The following USP50 variants were observed in gnomAD, a reference collection of about 807,000 sequenced individuals.
USP50 encodes the protein ubiquitin carboxyl-terminal hydrolase 50.
A neutral mutation model predicts 39.2 loss-of-function variants in USP50; 37 were observed. That is an observed-to-expected ratio of 0.94 (90% CI 0.73 to 1.24). The LOEUF is 1.24. Ranked by LOEUF, USP50 falls within the 50% of genes most tolerant of loss-of-function variation. USP50 has a pLI of 0.00. For missense variants in USP50, 374 were observed against 398.2 expected (o/e 0.94, Z 0.52); for synonymous variants, 139 against 144.5 (o/e 0.96, Z 0.27).
At chr15:50,522,307 C>G (rs984808314) in intron 6 of USP50, among the ~76,000 whole-genome samples, 1 of 152,104 alleles carries the variant, frequency 6.6e-6, no homozygotes, top group Non-Finnish European at 1.5e-5. Flanking sequence ...TGCCTGTAGT[C>G]CCAGCTACTA....
intron 6 of USP50, chr15:50,512,968 A>G (rs1432091225): frequency 1.3e-5 from 2 of 152,240 alleles, no homozygotes; most frequent in Non-Finnish European, 2.9e-5. Flanking sequence ...TATAACAAGG[A>G]TCTAGAACAT....
At chr15:50,527,324 C>T (rs2052906124) in intron 6 of USP50, among the ~76,000 whole-genome samples, 1 of 152,162 alleles carries the variant, frequency 6.6e-6, no homozygotes, top group African/African-American at 2.4e-5. Context: ...CCTGCCTCAG[C>T]CTCCTGAGTA....
chr15:50,525,594 A>ATATATGTATATATG (rs2052885970), intron 6 of USP50, among the ~76,000 whole-genome samples: 1 of 140,548 alleles, frequency 7.1e-6, no homozygotes, highest in Admixed American at 7.3e-5. Context: ...ATGTATATGT[A>ATATATGTATATATG]TATATGTATA....
At chr15:50,532,092 A>G (rs1416620444) in intron 5 of USP50, 1 of 456,210 alleles carries the variant, frequency 2.2e-6, no homozygotes, top group South Asian at 1.5e-5. Context: ...ATGAATTGCT[A>G]GAGGCTCAGT....
intron 5 of USP50, chr15:50,532,282 G>A (rs1043325161): frequency 4.4e-6 from 2 of 453,222 alleles, no homozygotes; most frequent in Non-Finnish European, 8.9e-6. Context: ...CACCCTGTTC[G>A]TAAAGCCTGC....
At chr15:50,512,760 C>T (rs1452320156) in intron 6 of USP50, 1 of 152,072 alleles carries the variant, frequency 6.6e-6, no homozygotes, top group African/African-American at 2.4e-5. Context: ...CCACCGCACT[C>T]CAGCCTGGGC....
chr15:50,543,067 G>A lies in USP50; in HGVS notation c.444+531C>T, dbSNP rs915453997. ...TTTAATGAAATGTATGTCCTAATTC[G>A]GTGATGAACTCAGGTTAGGTATGTT... On this transcript the variant is annotated intron_variant, in intron 3 of 6. Transcript: ENST00000532404. Among the ~76,000 whole-genome samples, 15 of 152,216 alleles carry A rather than the reference G, an allele frequency of 9.9e-5. No individual in the cohort carries two copies. The East Asian group carries it at 1.5e-3, about 16-fold the overall frequency.
At chr15:50,499,997 TAC>T (rs555583500), downstream of USP50, 6 of 152,266 alleles carry the variant, frequency 3.9e-5, no homozygotes, top group South Asian at 1.0e-3. Flanking sequence ...ACTACATCTT[TAC>T]AGAGTGATGT....
downstream of USP50, chr15:50,499,197 G>A: frequency 9.1e-7 from 1 of 1,100,436 alleles, no homozygotes. Context: ...AGGAATTCTA[G>A]GACAGTGGGA....
At chr15:50,503,919 A>G (rs1331292123) in intron 6 of USP50, 1 of 152,186 alleles carries the variant, frequency 6.6e-6, no homozygotes, top group Non-Finnish European at 1.5e-5. Context: ...AGATAATAGA[A>G]TTATTAAGCA....
chr15:50,538,510 G>C (rs2053001642), intron 5 of USP50, among the ~76,000 whole-genome samples, 199 bp downstream of exon 5: 2 of 151,992 alleles, frequency 1.3e-5, no homozygotes, highest in African/African-American at 4.8e-5. Flanking sequence ...TAATGTCAAT[G>C]AATTGTATGA....
At chr15:50,525,837 T>C (rs1484883739) in intron 6 of USP50, among the ~76,000 whole-genome samples, 1 of 151,426 alleles carries the variant, frequency 6.6e-6, no homozygotes, top group Non-Finnish European at 1.5e-5. Flanking sequence ...AATGTATTGA[T>C]GGATTAATAT....
chr15:50,540,066 C>A (rs1160412601), intron 4 of USP50, among the ~76,000 whole-genome samples: 1 of 152,190 alleles, frequency 6.6e-6, no homozygotes, highest in Non-Finnish European at 1.5e-5. Context: ...TTCTCCAATT[C>A]TGGTAGGTAA....
intron 5 of USP50, among the ~76,000 whole-genome samples, chr15:50,537,263 T>A (rs1455071295): frequency 2.0e-5 from 3 of 148,330 alleles, no homozygotes; most frequent in African/African-American, 7.5e-5. Flanking sequence ...AGAAGAAGAA[T>A]CCACACACAA....
chr15:50,503,120 G>A (rs2052614320), intron 6 of USP50: 1 of 152,266 alleles, frequency 6.6e-6, no homozygotes, highest in Admixed American at 6.5e-5. Context: ...GGCTGAGGCA[G>A]GCGGATCACT....
At chr15:50,543,820 T>C (rs982284605) in intron 2 of USP50, 27 bp from the exon 3 acceptor site, 55 of 1,590,632 alleles carry the variant, frequency 3.5e-5, no homozygotes, top group Non-Finnish European at 4.1e-5. Context: ...GATATGTTTC[T>C]GGCTGATTTA....
chr15:50,496,234 C>T, downstream of USP50: 1 of 621,248 alleles, frequency 1.6e-6, no homozygotes, highest in Non-Finnish European at 2.7e-6. Flanking sequence ...GTACTCCCAG[C>T]ACTTTGGGAG....
intron 4 of USP50, among the ~76,000 whole-genome samples, chr15:50,540,767 G>A (rs1342645611): frequency 6.6e-6 from 1 of 152,068 alleles, no homozygotes; most frequent in Non-Finnish European, 1.5e-5. Context: ...GGGATTACAG[G>A]TGCCCGCCAC....
At chr15:50,516,025 G>C (rs2052800980) in intron 6 of USP50, among the ~76,000 whole-genome samples, 1 of 152,010 alleles carries the variant, frequency 6.6e-6, no homozygotes, top group Non-Finnish European at 1.5e-5. Flanking sequence ...ATGTTGAGGG[G>C]GAGTAAAAGT....
Sources: allele counts gnomAD v4.1 joint callset (sites outside exome capture counted in the v4.1 genomes callset), GRCh38; gene constraint gnomAD v4.1.1; transcripts MANE v1.5; gene names NCBI Gene and HGNC (gene_info 2026-07-23, HGNC 2026-07-21).